The following LY96 variants were observed in gnomAD, a reference collection of about 807,000 sequenced individuals.
LY96 encodes lymphocyte antigen 96.
In LY96, 18 loss-of-function variants were observed where a neutral mutation model predicts 18.9. The observed-to-expected ratio is 0.95, with a 90% CI of 0.66 to 1.41. The LOEUF (loss-of-function observed/expected upper bound fraction) is 1.41, where lower values mean the gene tolerates loss of function less well. Ranked by LOEUF, LY96 falls within the 40% of genes most tolerant of loss-of-function variation. The probability of loss-of-function intolerance (pLI) is 0.00; values close to 1 mark genes in which losing one functional copy is unlikely to be tolerated. For synonymous variants in LY96, 66 were observed against 62.6 expected (o/e 1.06, Z -0.26); for missense variants, 175 against 182.4 (o/e 0.96, Z 0.23).
At position 73,991,396 on chromosome 8, in the gene LY96, A is replaced by T; in HGVS notation, c.-47A>T. 1.0e-6 allele frequency: 1 copy of T among 982,570 alleles called. No homozygotes were observed. The highest frequency in any genetic ancestry group is 1.7e-6 in the Non-Finnish European group (1 of 605,844). The allele number at this position is 982,570 out of a possible 1,614,324, so 60.9% of individuals were successfully genotyped here. A position where few individuals can be genotyped will look rare whatever the true frequency, so the allele number is the denominator to read the frequency against. On this transcript the variant is annotated 5_prime_UTR_variant, in exon 1 of 5. Transcript: ENST00000284818. ...ACTGAAAAGGAAGAGTCTGATGATT[A>T]GTTACTGATCCTCTTTGCATTTGTA...
chr8:74,095,762 A>G, the LY96 span, among the ~76,000 whole-genome samples: 11 of 152,014 alleles, frequency 7.2e-5, no homozygotes, highest in African/African-American at 2.7e-4. Context: ...CAGACCTTAG[A>G]TCGCTCCTTT....
intron 3 of LY96, among the ~76,000 whole-genome samples, chr8:74,010,768 C>A (rs1030293385): frequency 6.6e-6 from 1 of 151,884 alleles, no homozygotes; most frequent in African/African-American, 2.4e-5. Flanking sequence ...AATGAGGGAA[C>A]TGATGTTTGC....
At chr8:74,093,628 C>G in the LY96 span, among the ~76,000 whole-genome samples, 3 of 152,198 alleles carry the variant, frequency 2.0e-5, no homozygotes, top group East Asian at 5.8e-4. Flanking sequence ...GGCTCAGCCC[C>G]GTGGGAGCAG....
At chr8:74,043,500 C>T in the LY96 span, among the ~76,000 whole-genome samples, 1 of 152,150 alleles carries the variant, frequency 6.6e-6, no homozygotes, top group African/African-American at 2.4e-5. Flanking sequence ...GGGGCACTGC[C>T]ATTGCCAGTG....
chr8:73,992,491 T>C (rs984198945), intron 1 of LY96, among the ~76,000 whole-genome samples: 2 of 152,258 alleles, frequency 1.3e-5, no homozygotes, highest in African/African-American at 4.8e-5. Flanking sequence ...GGCACCTGTT[T>C]AACCACATTT....
At chr8:74,081,315 G>A in the LY96 span, among the ~76,000 whole-genome samples, 15 of 149,734 alleles carry the variant, frequency 1.0e-4, no homozygotes, top group Non-Finnish European at 1.8e-4. Flanking sequence ...AAGTGCAGTG[G>A]TGTGATCATA....
At chr8:74,018,239 A>G (rs1280096868) in intron 3 of LY96, among the ~76,000 whole-genome samples, 1 of 151,068 alleles carries the variant, frequency 6.6e-6, no homozygotes, top group Non-Finnish European at 1.5e-5. Context: ...AAAAAAAAAT[A>G]AAAAAAATAA....
intron 1 of LY96, among the ~76,000 whole-genome samples, chr8:73,996,291 CCA>C (rs1162067924): frequency 1.3e-5 from 2 of 152,046 alleles, no homozygotes; most frequent in Admixed American, 1.3e-4. Context: ...GCATGAGCCA[CCA>C]CGCTAGGCCT....
At chr8:74,022,349 G>T (rs1215877970) in intron 3 of LY96, among the ~76,000 whole-genome samples, 1 of 151,850 alleles carries the variant, frequency 6.6e-6, no homozygotes, top group Non-Finnish European at 1.5e-5. Flanking sequence ...AGAGGTTGCG[G>T]TGAGCCAAGA....
downstream of LY96, among the ~76,000 whole-genome samples, chr8:74,029,283 G>A (rs1816929878): frequency 1.3e-5 from 2 of 152,112 alleles, no homozygotes; most frequent in African/African-American, 4.8e-5. Flanking sequence ...GAAGAATGTG[G>A]GCAAGAGTGT....
At chr8:74,051,781 G>A in the LY96 span, among the ~76,000 whole-genome samples, 2 of 152,182 alleles carry the variant, frequency 1.3e-5, no homozygotes, top group South Asian at 2.1e-4. Flanking sequence ...AACAGACACC[G>A]AATTTGCTGG....
chr8:74,098,521 A>G, the LY96 span, among the ~76,000 whole-genome samples: 2 of 152,050 alleles, frequency 1.3e-5, no homozygotes, highest in Non-Finnish European at 2.9e-5. Context: ...GATTACAGGC[A>G]CCCACCACCA....
intron 4 of LY96, among the ~76,000 whole-genome samples, chr8:74,028,613 G>A (rs146198500): frequency 1.8e-4 from 28 of 152,038 alleles, no homozygotes; most frequent in South Asian, 4.1e-4. Context: ...AGATATTTGC[G>A]TGACATATCT....
chr8:74,095,738 A>C, the LY96 span, among the ~76,000 whole-genome samples: 3 of 152,078 alleles, frequency 2.0e-5, no homozygotes, highest in Admixed American at 6.6e-5. Flanking sequence ...CTTTTCATTG[A>C]CACATCCAGG....
chr8:74,062,477 TAA>T, the LY96 span, among the ~76,000 whole-genome samples: 627 of 151,910 alleles, frequency 4.1e-3, 1 homozygote, highest in African/African-American at 0.015. Flanking sequence ...CTCCCACTTA[TAA>T]GTGAGAACAT....
chr8:74,092,011 C>T, the LY96 span, among the ~76,000 whole-genome samples: 1 of 152,148 alleles, frequency 6.6e-6, no homozygotes, highest in South Asian at 2.1e-4. Context: ...AGCCCCCTTC[C>T]TTTTGACTCA....
At chr8:74,068,089 A>AATATATATATATATAT in the LY96 span, among the ~76,000 whole-genome samples, 170 of 67,848 alleles carry the variant, frequency 2.5e-3, 5 homozygotes, top group Middle Eastern at 8.6e-3. Flanking sequence ...AAAAAAAAAA[A>AATATATATATATATAT]ATATATATAT....
At chr8:74,081,047 T>TTTC in the LY96 span, among the ~76,000 whole-genome samples, 1 of 103,356 alleles carries the variant, frequency 9.7e-6, no homozygotes, top group African/African-American at 6.0e-5. Flanking sequence ...TCTTTCTTTC[T>TTTC]TTTTCTTTCT....
At chr8:74,035,774 C>A in the LY96 span, among the ~76,000 whole-genome samples, 5 of 152,152 alleles carry the variant, frequency 3.3e-5, no homozygotes, top group Admixed American at 3.3e-4. Flanking sequence ...TTGTCATAAC[C>A]CAGACATTCC....
Sources: gnomAD v4.1 joint callset for allele counts (sites outside exome capture counted in the v4.1 genomes callset) on GRCh38, gnomAD v4.1.1 for gene constraint, MANE v1.5 for transcripts, NCBI Gene and HGNC (gene_info 2026-07-23, HGNC 2026-07-21) for gene names.